AFF3: variants seen among roughly 807,000 people sequenced by gnomAD.
The protein encoded by AFF3 is AF4/FMR2 family member 3.
A neutral mutation model predicts 129.7 loss-of-function variants in AFF3; 32 were observed. The ratio of observed to expected loss-of-function variants is 0.25; its 90% CI spans 0.19 to 0.33. The LOEUF (loss-of-function observed/expected upper bound fraction) is 0.33, where lower values mean the gene tolerates loss of function less well. Among genes scored for constraint, AFF3 ranks in the 10% least tolerant of loss-of-function variants. The pLI, the probability that AFF3 is intolerant of heterozygous loss-of-function variation, is 1.00. For missense variants in AFF3, 1,373 were observed against 1,592.0 expected, an observed-to-expected ratio of 0.86 and a Z score of 2.34; for synonymous variants, 644 against 635.4, an observed-to-expected ratio of 1.01 and a Z score of -0.20.
chr2:100,118,255 A>G (rs57332268), intron 2 of AFF3, among the ~76,000 whole-genome samples: 5,440 of 152,250 alleles, frequency 0.036, 325 homozygotes, highest in African/African-American at 0.12. Flanking sequence ...TTTTATTTGG[A>G]TTTGAGTAAC....
At chr2:99,828,255 T>A (rs76110779) in intron 8 of AFF3, among the ~76,000 whole-genome samples, 4,028 of 152,304 alleles carry the variant, frequency 0.026, 118 homozygotes, top group African/African-American at 0.074. Flanking sequence ...AAGTCAGTAA[T>A]GCTGGTGAAC....
At chr2:99,832,324 G>A (rs917021627) in intron 8 of AFF3, among the ~76,000 whole-genome samples, 1 of 152,216 alleles carries the variant, frequency 6.6e-6, no homozygotes, top group African/African-American at 2.4e-5. Flanking sequence ...ATTCTCAACA[G>A]GAGCTTCTGG....
intron 8 of AFF3, among the ~76,000 whole-genome samples, chr2:99,789,197 G>A (rs898199650): frequency 6.4e-4 from 98 of 152,108 alleles, no homozygotes; most frequent in African/African-American, 2.3e-3. Context: ...CTCTTTGGGA[G>A]GCCAAGTTGG....
intron 4 of AFF3, among the ~76,000 whole-genome samples, chr2:100,029,631 G>A (rs2104943134): frequency 6.6e-6 from 1 of 152,310 alleles, no homozygotes; most frequent in South Asian, 2.1e-4. Context: ...GAGACAGAAA[G>A]TAGAAGGACG....
intron 1 of AFF3, among the ~76,000 whole-genome samples, chr2:100,135,816 G>A (rs141070277): frequency 6.6e-6 from 1 of 152,356 alleles, no homozygotes; most frequent in Non-Finnish European, 1.5e-5. Context: ...GTGAAGGAGG[G>A]AGAGTGTGGA....
At chr2:99,801,694 C>T (rs62147566) in intron 8 of AFF3, among the ~76,000 whole-genome samples, 1,711 of 152,342 alleles carry the variant, frequency 0.011, 9 homozygotes, top group Admixed American at 0.017. Context: ...TCTACTTTTA[C>T]GACCTCTCAT....
intron 13 of AFF3, among the ~76,000 whole-genome samples, chr2:99,645,138 C>A (rs1684577317): frequency 6.6e-6 from 1 of 152,140 alleles, no homozygotes; most frequent in Admixed American, 6.5e-5. Context: ...AGTTCGAGAC[C>A]TGCCTGGGCA....
chr2:99,753,092 C>CTATTAT (rs560366939), intron 8 of AFF3, among the ~76,000 whole-genome samples: 75 of 151,546 alleles, frequency 4.9e-4, no homozygotes, highest in African/African-American at 1.7e-3. Context: ...GATGTGAACC[C>CTATTAT]TATTATTATT....
At chr2:99,665,374 A>G (rs1477652659) in intron 12 of AFF3, among the ~76,000 whole-genome samples, 1 of 152,194 alleles carries the variant, frequency 6.6e-6, no homozygotes, top group Non-Finnish European at 1.5e-5. Context: ...TTGGAGGCTG[A>G]GTTTATAGGA....
intron 13 of AFF3, among the ~76,000 whole-genome samples, chr2:99,632,553 C>T (rs1057072933): frequency 3.9e-5 from 6 of 152,192 alleles, no homozygotes; most frequent in Admixed American, 2.6e-4. Flanking sequence ...CTGAGCTCCC[C>T]GGGGCTGGGG....
chr2:99,809,853 T>A (rs931830454), intron 8 of AFF3, among the ~76,000 whole-genome samples: 3 of 152,188 alleles, frequency 2.0e-5, no homozygotes, highest in Non-Finnish European at 4.4e-5. Context: ...GGGCCAGGTG[T>A]TATATTTTTA....
intron 7 of AFF3, among the ~76,000 whole-genome samples, chr2:99,921,078 T>A (rs1375657602): frequency 6.6e-6 from 1 of 152,080 alleles, no homozygotes; most frequent in Non-Finnish European, 1.5e-5. Context: ...AAAGATTCAA[T>A]ACCATCCAAG....
chr2:100,090,637 G>T lies in AFF3; in HGVS notation c.53+13765C>A, dbSNP rs564552637. The stretch of plus-strand genomic sequence containing the variant: ...GATGTTTTTCCATATATACCTCACT[G>T]TACCTGCTGGAGACCATTTACATAC... On this transcript the variant is annotated intron_variant, in intron 4 of 24. Coordinates refer to ENST00000672756, the MANE Select transcript of AFF3 (RefSeq NM_001386135.1). Among the ~76,000 whole-genome samples, 267 of 152,136 alleles carry T rather than the reference G, an allele frequency of 1.8e-3. 1 individual carries two copies. The highest frequency in any genetic ancestry group is 6.1e-3 in the African/African-American group (255 of 41,510).
Position 99,946,832 on chromosome 2 carries a change from G to A in AFF3, c.873+59800C>T, listed in dbSNP as rs567165506. ...GAGTATCTCAGACATCTCTGCATCC[G>A]CAATTATATACAAATAACTAACAAA... On this transcript the variant is annotated intron_variant, in intron 7 of 24. Transcript: ENST00000672756. 2.4e-4 allele frequency among the ~76,000 whole-genome samples: 36 copies of A among 152,234 alleles called. No individual in the cohort carries two copies. The South Asian group carries it at 4.4e-3, about 18-fold the overall frequency.
intron 4 of AFF3, among the ~76,000 whole-genome samples, chr2:100,026,019 C>T (rs1439562888): frequency 2.0e-5 from 3 of 152,140 alleles, no homozygotes; most frequent in African/African-American, 7.2e-5. Context: ...AACCCAAAAG[C>T]AAATGCAATA....
intron 14 of AFF3, among the ~76,000 whole-genome samples, chr2:99,596,784 T>G (rs930500045): frequency 2.0e-5 from 3 of 152,198 alleles, no homozygotes; most frequent in Admixed American, 6.5e-5. Flanking sequence ...TTTAATACAT[T>G]TAGTACAGGC....
intron 18 of AFF3, 43 bp from the exon 19 acceptor site, chr2:99,568,958 G>A: frequency 1.3e-6 from 2 of 1,545,352 alleles, no homozygotes; most frequent in East Asian, 2.3e-5. Context: ...TGGCTTAAGT[G>A]CAACGTCTTT....
At chr2:99,959,571 T>C (rs1559011679) in intron 7 of AFF3, among the ~76,000 whole-genome samples, 1 of 150,948 alleles carries the variant, frequency 6.6e-6, no homozygotes, top group Admixed American at 6.6e-5. Context: ...AAATGAAGCA[T>C]AAAAAAAATC....
chr2:99,698,309 C>T (rs1322517004), intron 11 of AFF3, among the ~76,000 whole-genome samples: 1 of 152,182 alleles, frequency 6.6e-6, no homozygotes, highest in Admixed American at 6.5e-5. Flanking sequence ...GTATTAGGGC[C>T]AAGCTGGTAT....
Sources: allele counts gnomAD v4.1 joint callset (sites outside exome capture counted in the v4.1 genomes callset), GRCh38; gene constraint gnomAD v4.1.1; transcripts MANE v1.5; gene names NCBI Gene and HGNC (gene_info 2026-07-23, HGNC 2026-07-21).